Variants in FAHD2B observed in about 807,000 individuals in gnomAD.
FAHD2B encodes the protein oxaloacetate tautomerase FAHD2B, mitochondrial.
In FAHD2B, 26 loss-of-function variants were observed where a neutral mutation model predicts 33.7. The ratio of observed to expected loss-of-function variants is 0.77; its 90% CI spans 0.57 to 1.07. The LOEUF (loss-of-function observed/expected upper bound fraction) is 1.07. FAHD2B is among the 50% of genes least tolerant of loss of function. FAHD2B has a pLI of 0.00. For synonymous variants in FAHD2B, 108 were observed against 150.9 expected (o/e 0.72, Z 2.08); for missense variants, 272 against 388.1 (o/e 0.70, Z 2.51).
At chr2:97,085,612 C>A in intron 6 of FAHD2B, 87 bp downstream of exon 6, 1 of 1,555,662 alleles carries the variant, frequency 6.4e-7, no homozygotes, top group South Asian at 1.2e-5. Context: ...AGGGCAGGTG[C>A]CACATGTACC....
In FAHD2B at chr2:97,091,910, A is replaced by G. The variant is rs892003336; in HGVS notation, c.-54T>C. The G allele has an allele frequency of 1.2e-5, 8 of 668,314 alleles. No homozygotes were observed. Among genetic ancestry groups the G allele is most frequent in the Admixed American group, 6.3e-5 (2 of 31,642 alleles). 41.4% of individuals were successfully genotyped at this position (668,314 alleles called of 1,614,324 possible). A position where few individuals can be genotyped will look rare whatever the true frequency, so the allele number is the denominator to read the frequency against. On this transcript the variant is annotated 5_prime_UTR_variant, in exon 2 of 9. An upstream start codon of the reference 5' UTR is lost. Transcript: ENST00000414820. Reference sequence around the variant, plus strand: ...ACTTTTGTAGAGGAGCAACTACTACATGCTACGCAGTAAGTCCCAGGGATT... The same window carrying G: ...ACTTTTGTAGAGGAGCAACTACTACGTGCTACGCAGTAAGTCCCAGGGATT...
chr2:97,084,058 A>C, intron 7 of FAHD2B, 23 bp from the exon 8 acceptor site: 2 of 1,610,242 alleles, frequency 1.2e-6, no homozygotes, highest in Non-Finnish European at 1.7e-6. Context: ...AAAAGGACCC[A>C]GTGAGACCAG....
At chr2:97,091,045 G>C (rs1452592254) in intron 3 of FAHD2B, among the ~76,000 whole-genome samples, 1 of 85,346 alleles carries the variant, frequency 1.2e-5, no homozygotes, top group African/African-American at 3.5e-5. Flanking sequence ...CAGGAACCAA[G>C]TGTCTTATAG....
At position 97,085,834 on chromosome 2, in the gene FAHD2B, C is replaced by A; in HGVS notation, c.550G>T (p.Gly184Cys). The A allele has an allele frequency of 6.2e-7, 1 of 1,613,846 alleles. No individual in the cohort carries two copies. The highest frequency in any genetic ancestry group is 8.5e-7 in the Non-Finnish European group (1 of 1,179,856). The change falls in exon 6 of 9, where the codon GGC becomes TGC. Residue 184 changes from glycine to cysteine, a missense_variant. Physicochemically the swap from Gly to Cys is radical, Grantham distance 159 (BLOSUM62 -3). Transcript: ENST00000414820. ...KATDAMAHVA[G>C]FTVAHDVSAR... The stretch of plus-strand genomic sequence containing the variant: ...CTCACGTCATGAGCCACAGTGAAGC[C>A]GGCCACGTGGGCCATGGCATCTGTG...
At chr2:97,083,097 C>T (rs2153381718), downstream of FAHD2B, 1 of 1,504,108 alleles carries the variant, frequency 6.6e-7, no homozygotes, top group Non-Finnish European at 8.9e-7. Context: ...CATGCAGACA[C>T]AGTCCCTGTG....
In FAHD2B at chr2:97,085,899, A is replaced by C. The variant is rs372046763; in HGVS notation, c.523-38T>G. 3.7e-5 allele frequency: 60 copies of C among 1,612,346 alleles called. No individual in the cohort carries two copies. In the East Asian group the frequency reaches 9.4e-4, roughly 25 times the overall value. ...GGGATTTGGCCATACAGGAGGTTAG[A>C]TCACGGGTGACACCAACACCTGTGG... is the stretch of plus-strand genomic sequence containing the variant. On this transcript the variant is annotated intron_variant, in intron 5 of 8. Coordinates refer to ENST00000414820, the MANE Select transcript of FAHD2B (RefSeq NM_001320848.2).
At chr2:97,087,365 G>A (rs2032056330) in intron 4 of FAHD2B, among the ~76,000 whole-genome samples, 1 of 152,048 alleles carries the variant, frequency 6.6e-6, no homozygotes, top group Non-Finnish European at 1.5e-5. Context: ...TTTTTTCATA[G>A]AAGAATGCCA....
At chr2:97,086,289 T>A in intron 4 of FAHD2B, 91 bp from the exon 5 acceptor site, 1 of 1,536,622 alleles carries the variant, frequency 6.5e-7, no homozygotes, top group East Asian at 2.4e-5. Context: ...TCTGTCAGTA[T>A]GGCTTGGCTG....
chr2:97,090,304 T>C lies in FAHD2B; in HGVS notation c.267A>G (p.Pro89=), dbSNP rs144741585. ...VARRALAAQL[P]VLPWSEVTFL... The stretch of plus-strand genomic sequence containing the variant: ...AGGTTACCTCCGACCATGGTAGGAC[T>C]GGCAACTGGGCAGCCAAGGCTCTGT... The change falls in exon 4 of 9, where the codon CCA becomes CCG. Residue 89 remains proline (P), a synonymous_variant. Transcript: ENST00000414820. 12 of 1,613,034 alleles carry C rather than the reference T, an allele frequency of 7.4e-6. No individual in the cohort carries two copies. Among genetic ancestry groups the C allele is most frequent in the Non-Finnish European group, 1.0e-5 (12 of 1,179,582 alleles).
chr2:97,085,871 C>T lies in FAHD2B; in HGVS notation c.523-10G>A. The T allele has an allele frequency of 1.9e-6, 3 of 1,613,752 alleles. No individual in the cohort carries two copies. The highest frequency in any genetic ancestry group is 2.5e-6 in the Non-Finnish European group (3 of 1,179,798). On this transcript the variant is annotated splice_polypyrimidine_tract_variant and intron_variant, in intron 5 of 8. Transcript: ENST00000414820. ...CCATGGCATCTGTGGCCTATGGGGG[C>T]AGGGGATTTGGCCATACAGGAGGTT...
intron 1 of FAHD2B, among the ~76,000 whole-genome samples, chr2:97,092,694 A>G (rs548885748): frequency 9.2e-5 from 14 of 152,178 alleles, no homozygotes; most frequent in Middle Eastern, 3.4e-3. Context: ...CAAGGGCCAG[A>G]CGCAGTGGCT....
chr2:97,081,192 G>T, downstream of FAHD2B: 1 of 1,492,360 alleles, frequency 6.7e-7, no homozygotes, highest in Non-Finnish European at 9.0e-7. Context: ...AGAATGAGCT[G>T]TACCGCCAGA....
downstream of FAHD2B, chr2:97,081,989 G>A (rs186407142): frequency 9.1e-4 from 1,316 of 1,439,016 alleles, 195 homozygotes; most frequent in African/African-American, 0.019. Context: ...CAATGGCTCC[G>A]GGTCCGGCCA....
At chr2:97,079,600 T>A (rs1290924286), downstream of FAHD2B, among the ~76,000 whole-genome samples, 1 of 152,086 alleles carries the variant, frequency 6.6e-6, no homozygotes, top group African/African-American at 2.4e-5. Context: ...TCATGTCCTT[T>A]GCCCACTTTT....
At position 97,083,993 on chromosome 2, in the gene FAHD2B, G is replaced by T. The variant is rs113222096; in HGVS notation, c.837C>A (p.Thr279=). The change falls in exon 8 of 9, where the codon ACC becomes ACA. Residue 279 remains threonine (T), a synonymous_variant. Transcript: ENST00000414820. ...TCCTGAATACACCGACACCTGGGGGGGTCCCAGTTAGGATGACATCCCCTG... is the reference window on the plus strand; with the variant it reads ...TCCTGAATACACCGACACCTGGGGGTGTCCCAGTTAGGATGACATCCCCTG... ...FYPGDVILTG[T]PPGVGVFRKP... The T allele has an allele frequency of 0.017, 27,542 of 1,613,770 alleles. 358 individuals are homozygous for T. Among genetic ancestry groups the T allele is most frequent in the Non-Finnish European group, 0.021 (24,615 of 1,179,926 alleles).
At chr2:97,093,056 CTT>C (rs1459877618) in intron 1 of FAHD2B, among the ~76,000 whole-genome samples, 5 of 151,140 alleles carry the variant, frequency 3.3e-5, no homozygotes, top group Non-Finnish European at 7.4e-5. Context: ...ACACTATTCT[CTT>C]GTTTTGTTCT....
downstream of FAHD2B, chr2:97,082,584 C>A: frequency 1.3e-6 from 2 of 1,575,356 alleles, no homozygotes; most frequent in East Asian, 2.2e-5. Context: ...TACAGACAGT[C>A]TTCTGTCCAG....
intron 6 of FAHD2B, among the ~76,000 whole-genome samples, chr2:97,084,827 C>T (rs180737821): frequency 2.7e-5 from 4 of 150,650 alleles, no homozygotes; most frequent in East Asian, 3.9e-4. Context: ...GTGGGAGAAC[C>T]GCTTGAACCC....
At position 97,091,570 on chromosome 2, in the gene FAHD2B, G is replaced by A. The variant is rs1251996031; in HGVS notation, c.137C>T (p.Thr46Ile). Residue 46 changes from threonine to isoleucine, a missense_variant, in exon 3 of 9, where the codon ACA becomes ATA. Thr to Ile is a moderately conservative substitution (Grantham distance 89). Coordinates refer to ENST00000414820, the MANE Select transcript of FAHD2B (RefSeq NM_001320848.2). The part of the protein sequence containing the change: ...HLVGPHLGLE[T>I]GNGGGVINLN... Reference sequence around the variant, plus strand: ...GTTGATAACCCCTCCACCATTCCCTGTCTCCAGGCCCAAGTGAGGCCCCAC... The same window carrying A: ...GTTGATAACCCCTCCACCATTCCCTATCTCCAGGCCCAAGTGAGGCCCCAC... 6.2e-7 allele frequency: 1 copy of A among 1,613,762 alleles called. No individual in the cohort carries two copies. Among genetic ancestry groups the A allele is most frequent in the Non-Finnish European group, 8.5e-7 (1 of 1,180,028 alleles).
Sources: allele counts gnomAD v4.1 joint callset (sites outside exome capture counted in the v4.1 genomes callset), GRCh38; gene constraint gnomAD v4.1.1; transcripts MANE v1.5; gene names NCBI Gene and HGNC (gene_info 2026-07-23, HGNC 2026-07-21).